CSTF2: variants seen among roughly 807,000 people sequenced by gnomAD.
CSTF2 encodes cleavage stimulation factor subunit 2.
A neutral mutation model predicts 45.4 loss-of-function variants in CSTF2; 8 were observed. That is an observed-to-expected ratio of 0.18 (90% CI 0.10 to 0.32). The LOEUF (loss-of-function observed/expected upper bound fraction) is 0.32. Among genes scored for constraint, CSTF2 ranks in the 10% least tolerant of loss-of-function variants. The pLI is 1.00. For synonymous variants in CSTF2, 155 were observed against 158.9 expected (o/e 0.98, Z 0.18); for missense variants, 253 against 477.1 (o/e 0.53, Z 4.38).
intron 1 of CSTF2, 71 bp from the exon 2 acceptor site, chrX:100,821,456 T>C (rs2084917287): frequency 4.0e-6 from 3 of 751,235 alleles, no homozygotes; most frequent in Admixed American, 2.4e-5. Context: ...TTTGATGATA[T>C]AAGTTTACTT....
intron 3 of CSTF2, chrX:100,822,668 C>G (rs2084925001): frequency 2.6e-6 from 1 of 389,186 alleles, no homozygotes; most frequent in African/African-American, 2.6e-5. Flanking sequence ...CAGGGCAAGG[C>G]CTCAAACCGT....
At chrX:100,837,706 G>T (rs923498007) in intron 12 of CSTF2, among the ~76,000 whole-genome samples, 3 of 111,974 alleles carry the variant, frequency 2.7e-5, no homozygotes, top group Non-Finnish European at 5.6e-5. Context: ...CCAATAGCAG[G>T]TTTTTCTTGT....
At chrX:100,840,115 A>G (rs2085031638) in intron 13 of CSTF2, among the ~76,000 whole-genome samples, 1 of 111,943 alleles carries the variant, frequency 8.9e-6, no homozygotes, top group Admixed American at 9.5e-5. Context: ...TAAAAAAACT[A>G]TCATGATTTG....
Position 100,837,358 on chromosome X carries a change from C to T in CSTF2, c.1520C>T (p.Thr507Ile), listed in dbSNP as rs774041082. The T allele has an allele frequency of 1.7e-6, 2 of 1,208,373 alleles. No individual in the cohort carries two copies. ...ACATAGGTCCCAGTCATGCAGGGAA[C>T]AGGAATGCAAGGAGCAAGTATACAG... ...GSRQVPVMQG[T>I]GMQGASIQGG... The change falls in exon 12 of 14, where the codon ACA becomes ATA. Residue 507 changes from threonine (T) to isoleucine (I), a missense_variant. Transcript: ENST00000372972.
chrX:100,832,372 G>A (rs770160556), intron 9 of CSTF2, among the ~76,000 whole-genome samples: 55 of 111,997 alleles, frequency 4.9e-4, no homozygotes, highest in African/African-American at 1.7e-3. Context: ...CATTTTACAC[G>A]TGAAACTGAT....
At chrX:100,837,925 A>T (rs1283625101) in intron 12 of CSTF2, among the ~76,000 whole-genome samples, 3 of 112,268 alleles carry the variant, frequency 2.7e-5, no homozygotes, top group African/African-American at 9.7e-5. Flanking sequence ...CAGGGCTCAC[A>T]GATACCATCT....
Position 100,831,576 on chromosome X carries a change from C to T in CSTF2, c.951C>T (p.Thr317=), listed in dbSNP as rs201058507. The T allele has an allele frequency of 3.3e-6, 4 of 1,209,320 alleles. No individual in the cohort carries two copies. Among genetic ancestry groups the T allele is most frequent in the Admixed American group, 2.2e-5 (1 of 45,739 alleles). Residue 317 remains threonine, a synonymous_variant, in exon 9 of 14, where the codon ACC becomes ACT. Transcript: ENST00000372972. Reference sequence around the variant, plus strand: ...GATCCTTGCCTGCGAATGTCCCAACCCCTCGAGGCTTGTTAGGAGATGCTC... The same window carrying T: ...GATCCTTGCCTGCGAATGTCCCAACTCCTCGAGGCTTGTTAGGAGATGCTC... ...QRGSLPANVP[T]PRGLLGDAPN... is the part of the protein sequence containing the mutation.
rs568017777 is a variant in CSTF2 at position 100,821,573 on chromosome X, C to A, written c.105C>A (p.Ile35=). Reference sequence around the variant, plus strand: ...CTACTGAAGAGCAGTTGAAGGACATCTTTTCTGAGGTTGGACCTGTTGTTA... The same window carrying A: ...CTACTGAAGAGCAGTTGAAGGACATATTTTCTGAGGTTGGACCTGTTGTTA... ...YEATEEQLKD[I]FSEVGPVVSF... Residue 35 remains isoleucine, a synonymous_variant, in exon 2 of 14, where the codon ATC becomes ATA. Coordinates refer to ENST00000372972, the MANE Select transcript of CSTF2 (RefSeq NM_001325.3). 1 of 1,205,388 alleles carries A rather than the reference C, an allele frequency of 8.3e-7. No homozygotes were observed. Among genetic ancestry groups the A allele is most frequent in the Admixed American group, 2.2e-5 (1 of 45,753 alleles).
At position 100,835,972 on chromosome X, in the gene CSTF2, T is replaced by TA. The variant is rs905814337; in HGVS notation, c.1501-1358dup. ...AATAACCTATGGAAATAAAAAATTT[T>TA]AAAAAAAAAGATTATACTCATAGGT... On this transcript the variant is annotated intron_variant, in intron 11 of 13. Coordinates refer to ENST00000372972, the MANE Select transcript of CSTF2 (RefSeq NM_001325.3). Among the ~76,000 whole-genome samples the TA allele has an allele frequency of 1.7e-4, 19 of 110,658 alleles. No homozygotes were observed. The East Asian group carries it at 4.0e-3, about 23-fold the overall frequency.
At chrX:100,833,935 G>C (rs2084992415) in intron 11 of CSTF2, among the ~76,000 whole-genome samples, 1 of 112,086 alleles carries the variant, frequency 8.9e-6, no homozygotes, top group African/African-American at 3.2e-5. Context: ...ATGAAGAGCT[G>C]TTAGTGGCCA....
chrX:100,834,481 TTG>T (rs1395598654), intron 11 of CSTF2, among the ~76,000 whole-genome samples: 1 of 111,991 alleles, frequency 8.9e-6, no homozygotes, highest in African/African-American at 3.2e-5. Context: ...ATCTGCACAT[TTG>T]TGTGTGTGTA....
chrX:100,824,753 C>T (rs1466402466), intron 6 of CSTF2, among the ~76,000 whole-genome samples: 1 of 111,794 alleles, frequency 8.9e-6, no homozygotes, highest in Admixed American at 9.4e-5. Flanking sequence ...AAGTATTTAC[C>T]ACACATGTGA....
intron 8 of CSTF2, among the ~76,000 whole-genome samples, chrX:100,828,342 G>A (rs543076361): frequency 1.8e-5 from 2 of 111,894 alleles, no homozygotes; most frequent in Admixed American, 9.5e-5. Context: ...TTCTATCATC[G>A]TAAAAAGATC....
chrX:100,832,687 T>C lies in CSTF2; in HGVS notation c.1032-47T>C, dbSNP rs189134746. 539 of 1,119,371 alleles carry C rather than the reference T, an allele frequency of 4.8e-4. 3 individuals are homozygous for C. The African/African-American group carries it at 8.5e-3, about 18-fold the overall frequency. The allele number at this position is 1,119,371 out of a possible 1,213,427, so 92.2% of individuals were successfully genotyped here. A position where few individuals can be genotyped will look rare whatever the true frequency, so the allele number is the denominator to read the frequency against. On this transcript the variant is annotated intron_variant, in intron 9 of 13. Coordinates refer to ENST00000372972, the MANE Select transcript of CSTF2 (RefSeq NM_001325.3). ...CTTACTGATCTGGTTGGTACTTTGTTGTTGTTTTGTTCTATTTTAAAATAC... is the reference window on the plus strand; with the variant it reads ...CTTACTGATCTGGTTGGTACTTTGTCGTTGTTTTGTTCTATTTTAAAATAC...
In CSTF2 at chrX:100,821,622, C is replaced by T. The variant is rs763832430; in HGVS notation, c.137+17C>T. 1 of 1,147,035 alleles carries T rather than the reference C, an allele frequency of 8.7e-7. No individual in the cohort carries two copies. The highest frequency in any genetic ancestry group is 1.2e-6 in the Non-Finnish European group (1 of 838,854). 94.5% of individuals were successfully genotyped at this position (1,147,035 alleles called of 1,213,427 possible). On this transcript the variant is annotated intron_variant, in intron 2 of 13. Coordinates refer to ENST00000372972, the MANE Select transcript of CSTF2 (RefSeq NM_001325.3). ...TAGTTTCAGGTGAGATCCCCTTTTC[C>T]TTCATGGTGGGAGCTTCTTAAAAAT...
At chrX:100,832,260 G>C (rs1313868237) in intron 9 of CSTF2, among the ~76,000 whole-genome samples, 2 of 111,730 alleles carry the variant, frequency 1.8e-5, no homozygotes, top group African/African-American at 6.5e-5. Context: ...AATAATAATT[G>C]ACATTAATGG....
Position 100,838,360 on chromosome X carries a change from G to A in CSTF2, c.1733G>A (p.Ter578=), listed in dbSNP as rs2085021586. The A allele has an allele frequency of 1.6e-5, 19 of 1,197,696 alleles. No individual in the cohort carries two copies. The highest frequency in any genetic ancestry group is 6.7e-5 in the Admixed American group (3 of 44,475). ...ATACAGAAATCCACTGGAGCACCTT[G>A]ATAGGTGAGCAAACTTAATCCCCAT... ...EQIQKSTGAP[*] is the part of the protein sequence containing the mutation. Residue 578 remains the stop codon, a stop_retained_variant, in exon 13 of 14, where the codon TGA becomes TAA. Transcript: ENST00000372972.
At position 100,824,305 on chromosome X, in the gene CSTF2, A is replaced by G. The variant is rs745496900; in HGVS notation, c.702+48A>G. Reference sequence around the variant, plus strand: ...TTTTTTGTATCTGTCTTAGAATGTCATTTTCTTTTTAGGAGAATATATTGA... The same window carrying G: ...TTTTTTGTATCTGTCTTAGAATGTCGTTTTCTTTTTAGGAGAATATATTGA... On this transcript the variant is annotated intron_variant, in intron 6 of 13. Transcript: ENST00000372972. 90 of 1,095,691 alleles carry G rather than the reference A, an allele frequency of 8.2e-5. 1 individual carries two copies. The South Asian group carries it at 2.0e-3, about 25-fold the overall frequency. The allele number at this position is 1,095,691 out of a possible 1,213,427, so 90.3% of individuals were successfully genotyped here.
intron 11 of CSTF2, among the ~76,000 whole-genome samples, chrX:100,834,278 C>G (rs915369150): frequency 9.0e-6 from 1 of 111,175 alleles, no homozygotes; most frequent in Admixed American, 9.6e-5. Flanking sequence ...CTCCCCATGT[C>G]TGTGTGTATG....
Sources: gnomAD v4.1 joint callset for allele counts (sites outside exome capture counted in the v4.1 genomes callset) on GRCh38, gnomAD v4.1.1 for gene constraint, MANE v1.5 for transcripts, NCBI Gene and HGNC (gene_info 2026-07-23, HGNC 2026-07-21) for gene names.